The following LIMA1 variants were observed in gnomAD, a reference collection of about 807,000 sequenced individuals.
LIMA1 encodes LIM domain and actin binding 1.
A neutral mutation model predicts 62.6 loss-of-function variants in LIMA1; 52 were observed. The observed-to-expected ratio is 0.83, with a 90% CI of 0.67 to 1.05. The LOEUF (loss-of-function observed/expected upper bound fraction) is 1.05, where lower values mean the gene tolerates loss of function less well. LIMA1 is among the 50% of genes least tolerant of loss of function. The pLI, the probability that LIMA1 is intolerant of heterozygous loss-of-function variation, is 0.00. For missense variants in LIMA1, 780 were observed against 902.2 expected (o/e 0.86, Z 1.74); for synonymous variants, 302 against 317.8 (o/e 0.95, Z 0.53).
chr12:50,265,802 GT>G (rs1942132240), intron 1 of LIMA1, among the ~76,000 whole-genome samples: 1 of 151,878 alleles, frequency 6.6e-6, no homozygotes, highest in African/African-American at 2.4e-5. Context: ...CTTGTGCAAT[GT>G]AAATTTTTTA....
chr12:50,178,106 T>C (rs761395880), intron 10 of LIMA1, 37 bp from the exon 11 acceptor site: 1 of 1,390,336 alleles, frequency 7.2e-7, no homozygotes, highest in Admixed American at 2.8e-5. Flanking sequence ...ACTTAGCAAA[T>C]CTTCACATTC....
intron 2 of LIMA1, among the ~76,000 whole-genome samples, chr12:50,242,484 G>A (rs1478769746): frequency 6.6e-6 from 1 of 151,946 alleles, no homozygotes; most frequent in Non-Finnish European, 1.5e-5. Flanking sequence ...GCCTCCTCCT[G>A]TTTCCTGGAA....
In LIMA1 at chr12:50,283,229, C is replaced by G. The variant is rs530925556; in HGVS notation, c.-24+191G>C. 3.3e-5 allele frequency among the ~76,000 whole-genome samples: 5 copies of G among 151,998 alleles called. No individual in the cohort carries two copies. The East Asian group carries it at 7.8e-4, about 24-fold the overall frequency. On this transcript the variant is annotated intron_variant, in intron 1 of 10. Coordinates refer to ENST00000341247, the MANE Select transcript of LIMA1 (RefSeq NM_016357.5). ...GCAAAGGCTCAGCCCGACATAAGCACTCCCCACCCAGCGCAGGCCCCAGAA... is the reference window on the plus strand; with the variant it reads ...GCAAAGGCTCAGCCCGACATAAGCAGTCCCCACCCAGCGCAGGCCCCAGAA...
intron 9 of LIMA1, 48 bp downstream of exon 9, chr12:50,192,404 T>C: frequency 4.0e-6 from 5 of 1,242,622 alleles, no homozygotes; most frequent in Non-Finnish European, 4.8e-6. Flanking sequence ...CAATTAGCTC[T>C]ACCAGTAGAC....
intron 2 of LIMA1, among the ~76,000 whole-genome samples, chr12:50,241,931 AGATTTTTT>A (rs2138620028): frequency 1.5e-5 from 1 of 68,678 alleles, no homozygotes; most frequent in African/African-American, 4.9e-5. Flanking sequence ...TTTCCTTCCC[AGATTTTTT>A]TTTTTTTTTT....
At chr12:50,234,572 A>T (rs1053245285) in intron 2 of LIMA1, among the ~76,000 whole-genome samples, 3 of 151,956 alleles carry the variant, frequency 2.0e-5, no homozygotes, top group African/African-American at 7.3e-5. Context: ...CAGCACCACC[A>T]CGTGGAGAAT....
intron 9 of LIMA1, chr12:50,188,719 A>G (rs547399887): frequency 1.1e-4 from 16 of 152,290 alleles, no homozygotes; most frequent in African/African-American, 3.9e-4. Flanking sequence ...GCCCTTTCAC[A>G]CACCACTCAT....
intron 9 of LIMA1, 195 bp from the exon 10 acceptor site, chr12:50,182,232 T>A: frequency 1.9e-6 from 1 of 521,468 alleles, no homozygotes; most frequent in Non-Finnish European, 3.4e-6. Context: ...CTTCCCAAAC[T>A]GTGTGGCTGC....
chr12:50,278,417 A>T (rs902148720), intron 1 of LIMA1, among the ~76,000 whole-genome samples: 1 of 152,130 alleles, frequency 6.6e-6, no homozygotes, highest in Admixed American at 6.6e-5. Flanking sequence ...GCGAGACTCC[A>T]TCTCAAAAAT....
At chr12:50,263,855 G>GTATATATATATATATAA (rs1565863042) in intron 1 of LIMA1, among the ~76,000 whole-genome samples, 42 of 101,864 alleles carry the variant, frequency 4.1e-4, no homozygotes, top group African/African-American at 1.5e-3. Flanking sequence ...TATATATAGA[G>GTATATATATATATATAA]AGTATATATA....
At chr12:50,242,799 A>G (rs927112063) in intron 2 of LIMA1, among the ~76,000 whole-genome samples, 1 of 152,122 alleles carries the variant, frequency 6.6e-6, no homozygotes, top group Non-Finnish European at 1.5e-5. Flanking sequence ...AAATCTAAAG[A>G]GCTGGGCCTG....
chr12:50,182,220 C>A (rs374008081), intron 9 of LIMA1, 183 bp from the exon 10 acceptor site: 186 of 587,078 alleles, frequency 3.2e-4, no homozygotes, highest in Non-Finnish European at 4.6e-4. Context: ...TCTTGATATT[C>A]CCTTCCCAAA....
At chr12:50,236,920 A>G (rs1327588221) in intron 2 of LIMA1, among the ~76,000 whole-genome samples, 1 of 152,062 alleles carries the variant, frequency 6.6e-6, no homozygotes, top group Non-Finnish European at 1.5e-5. Flanking sequence ...TTCTGTTTAA[A>G]ACAAATAAAC....
At chr12:50,183,028 C>A (rs1224065441) in intron 9 of LIMA1, among the ~76,000 whole-genome samples, 1 of 151,950 alleles carries the variant, frequency 6.6e-6, no homozygotes, top group East Asian at 1.9e-4. Context: ...ATGGTGAAAC[C>A]CCGTCTCCAG....
intron 1 of LIMA1, among the ~76,000 whole-genome samples, chr12:50,269,529 T>G (rs2138692424): frequency 6.6e-6 from 1 of 152,000 alleles, no homozygotes; most frequent in Admixed American, 6.6e-5. Flanking sequence ...TCTGAGAAAC[T>G]GATGGTTACT....
intron 3 of LIMA1, among the ~76,000 whole-genome samples, chr12:50,230,940 A>T (rs1941603256): frequency 6.6e-6 from 1 of 152,184 alleles, no homozygotes; most frequent in South Asian, 2.1e-4. Context: ...GAAGCCAAGG[A>T]CCTTAGCCTT....
At chr12:50,187,660 C>T (rs1456568528) in intron 9 of LIMA1, 2 of 152,196 alleles carry the variant, frequency 1.3e-5, no homozygotes, top group Admixed American at 1.3e-4. Context: ...TAAAACCTCC[C>T]ACTGTGTCTT....
At chr12:50,225,899 A>G (rs938319892) in intron 3 of LIMA1, among the ~76,000 whole-genome samples, 1 of 152,110 alleles carries the variant, frequency 6.6e-6, no homozygotes, top group Non-Finnish European at 1.5e-5. Flanking sequence ...CCATTCCCCC[A>G]CTGATGAATA....
At chr12:50,247,389 A>C (rs1345106963) in intron 2 of LIMA1, among the ~76,000 whole-genome samples, 7 of 151,676 alleles carry the variant, frequency 4.6e-5, no homozygotes, top group African/African-American at 1.7e-4. Flanking sequence ...CTGGGAACTG[A>C]GCCACCAAGC....
Sources: allele counts gnomAD v4.1 joint callset (sites outside exome capture counted in the v4.1 genomes callset), GRCh38; gene constraint gnomAD v4.1.1; transcripts MANE v1.5; gene names NCBI Gene and HGNC (gene_info 2026-07-23, HGNC 2026-07-21).